LRRTM4: variants seen among roughly 807,000 people sequenced by gnomAD.
The protein encoded by LRRTM4 is leucine rich repeat transmembrane neuronal 4.
Under a neutral mutation model 47.6 loss-of-function variants are expected in LRRTM4, and 25 were observed. The observed-to-expected ratio is 0.53, with a 90% CI of 0.38 to 0.73. The LOEUF (loss-of-function observed/expected upper bound fraction) is 0.73. Among genes scored for constraint, LRRTM4 ranks in the 30% least tolerant of loss-of-function variants. The pLI is 0.00. For missense variants in LRRTM4, 638 were observed against 713.4 expected, an observed-to-expected ratio of 0.89 and a Z score of 1.20; for synonymous variants, 311 against 269.5, an observed-to-expected ratio of 1.15 and a Z score of -1.51.
chr2:76,905,506 C>A (rs1399855673), intron 3 of LRRTM4, among the ~76,000 whole-genome samples: 1 of 152,142 alleles, frequency 6.6e-6, no homozygotes, highest in Non-Finnish European at 1.5e-5. Context: ...CGGAGAATGA[C>A]TTTGACGAGT....
intron 3 of LRRTM4, among the ~76,000 whole-genome samples, chr2:76,791,290 A>T (rs963006252): frequency 6.6e-6 from 1 of 151,928 alleles, no homozygotes. Flanking sequence ...TACTGAGATT[A>T]TTTCAATAAT....
intron 3 of LRRTM4, among the ~76,000 whole-genome samples, chr2:77,037,616 C>A (rs1678880665): frequency 6.6e-6 from 1 of 151,554 alleles, no homozygotes; most frequent in Non-Finnish European, 1.5e-5. Flanking sequence ...ATAGGATGCA[C>A]AAATATCCAT....
chr2:77,358,086 A>C (rs1200398858), intron 3 of LRRTM4, among the ~76,000 whole-genome samples: 2 of 152,206 alleles, frequency 1.3e-5, no homozygotes, highest in African/African-American at 4.8e-5. Flanking sequence ...TTTCATATTA[A>C]GAAAAACATT....
At chr2:76,841,712 G>A (rs1671689692) in intron 3 of LRRTM4, among the ~76,000 whole-genome samples, 2 of 144,036 alleles carry the variant, frequency 1.4e-5, no homozygotes, top group Admixed American at 6.9e-5. Context: ...AAGAATTCAA[G>A]ACAAAATAGA....
chr2:77,480,835 GAGAGAGA>G (rs1677669514), intron 3 of LRRTM4, among the ~76,000 whole-genome samples: 14 of 51,198 alleles, frequency 2.7e-4, no homozygotes, highest in Admixed American at 5.4e-4. Flanking sequence ...GAGAGAGAGA[GAGAGAGA>G]GAGAGAGAGA....
intron 3 of LRRTM4, among the ~76,000 whole-genome samples, chr2:77,476,964 A>G (rs200948522): frequency 1.4e-5 from 2 of 143,798 alleles, no homozygotes; most frequent in African/African-American, 5.1e-5. Context: ...TTTGTAAGAG[A>G]TGTGTGTGTG....
At chr2:76,988,027 A>G (rs1260901158) in intron 3 of LRRTM4, among the ~76,000 whole-genome samples, 1 of 151,890 alleles carries the variant, frequency 6.6e-6, no homozygotes, top group Non-Finnish European at 1.5e-5. Context: ...ATAAAAGAAT[A>G]TTTAGAGACT....
chr2:77,126,927 A>G (rs1287055941), intron 3 of LRRTM4, among the ~76,000 whole-genome samples: 1 of 152,140 alleles, frequency 6.6e-6, no homozygotes, highest in Non-Finnish European at 1.5e-5. Flanking sequence ...TGAGAATTAC[A>G]TTATGCAAAG....
At chr2:76,949,299 G>A (rs576706698) in intron 3 of LRRTM4, among the ~76,000 whole-genome samples, 59 of 151,974 alleles carry the variant, frequency 3.9e-4, no homozygotes, top group African/African-American at 1.2e-3. Context: ...CATGGGATAC[G>A]TGAGGATGAA....
intron 3 of LRRTM4, among the ~76,000 whole-genome samples, chr2:77,285,657 G>A (rs1021695148): frequency 6.6e-6 from 1 of 151,750 alleles, no homozygotes; most frequent in African/African-American, 2.4e-5. Flanking sequence ...CAGGAGAATT[G>A]CTTGAACTCC....
intron 3 of LRRTM4, among the ~76,000 whole-genome samples, chr2:76,833,745 A>G (rs1453516494): frequency 6.6e-6 from 1 of 151,890 alleles, no homozygotes. Flanking sequence ...AATGTAAAAC[A>G]TGTGAAAATG....
chr2:77,363,702 C>A (rs557125829), intron 3 of LRRTM4, among the ~76,000 whole-genome samples: 2 of 152,178 alleles, frequency 1.3e-5, no homozygotes, highest in East Asian at 3.9e-4. Flanking sequence ...ATCATGAAGT[C>A]CTTGATAAAA....
intron 3 of LRRTM4, among the ~76,000 whole-genome samples, chr2:77,119,442 C>G (rs1671470823): frequency 6.6e-6 from 1 of 151,826 alleles, no homozygotes; most frequent in Admixed American, 6.6e-5. Flanking sequence ...AGAATCTTTA[C>G]TGAAGGTATC....
chr2:76,786,165 T>G (rs1558651869), intron 3 of LRRTM4, among the ~76,000 whole-genome samples: 1 of 152,094 alleles, frequency 6.6e-6, no homozygotes, highest in South Asian at 2.1e-4. Flanking sequence ...CAAATTCTTT[T>G]CCATTCATAG....
At position 77,322,229 on chromosome 2, in the gene LRRTM4, T is replaced by C. The variant is rs567816861; in HGVS notation, c.1551+196089A>G. ...TAGATTTTTCTGATGGTTTGGGAGA[T>C]GGGTAGATGAGGAAGAATATGACTT... On this transcript the variant is annotated intron_variant, in intron 3 of 3. Transcript: ENST00000409884. Among the ~76,000 whole-genome samples, 42 of 152,212 alleles carry C rather than the reference T, an allele frequency of 2.8e-4. No individual in the cohort carries two copies. In the South Asian group the frequency reaches 7.5e-3, roughly 27 times the overall value.
chr2:77,024,795 A>G (rs1678396099), intron 3 of LRRTM4, among the ~76,000 whole-genome samples: 1 of 152,174 alleles, frequency 6.6e-6, no homozygotes, highest in South Asian at 2.1e-4. Context: ...CTATTATTGG[A>G]AACACATTTT....
chr2:77,213,794 C>A (rs193108963), intron 3 of LRRTM4, among the ~76,000 whole-genome samples: 2 of 152,118 alleles, frequency 1.3e-5, no homozygotes, highest in East Asian at 3.9e-4. Flanking sequence ...GACTTGGCAG[C>A]CTTGGGACGG....
intron 3 of LRRTM4, among the ~76,000 whole-genome samples, chr2:77,084,888 T>C (rs899180776): frequency 5.9e-5 from 9 of 152,156 alleles, no homozygotes; most frequent in African/African-American, 1.9e-4. Context: ...GAGTTTAATG[T>C]TTAATAATGG....
chr2:77,004,273 G>A (rs1375309833), intron 3 of LRRTM4, among the ~76,000 whole-genome samples: 2 of 152,190 alleles, frequency 1.3e-5, no homozygotes, highest in Admixed American at 1.3e-4. Flanking sequence ...AGGGAAAAAT[G>A]GTTTCCTGGG....
Sources: gnomAD v4.1 joint callset for allele counts (sites outside exome capture counted in the v4.1 genomes callset) on GRCh38, gnomAD v4.1.1 for gene constraint, MANE v1.5 for transcripts, NCBI Gene and HGNC (gene_info 2026-07-23, HGNC 2026-07-21) for gene names.